Variants in PIK3CA observed in about 807,000 individuals in gnomAD.
PIK3CA encodes phosphatidylinositol 4,5-bisphosphate 3-kinase catalytic subunit alpha isoform.
Under a neutral mutation model 138.2 loss-of-function variants are expected in PIK3CA, and 27 were observed. The observed-to-expected ratio is 0.20, with a 90% CI of 0.14 to 0.27. The LOEUF is 0.27. PIK3CA is among the 10% of genes least tolerant of loss of function. The pLI is 1.00. For synonymous variants in PIK3CA, 358 were observed against 413.2 expected (o/e 0.87, Z 1.62); for missense variants, 544 against 1,277.4 (o/e 0.43, Z 8.75).
intron 1 of PIK3CA, among the ~76,000 whole-genome samples, chr3:179,166,835 A>G (rs1353690083): frequency 1.3e-5 from 2 of 152,170 alleles, no homozygotes; most frequent in East Asian, 1.9e-4. Flanking sequence ...ACCAGCTGCA[A>G]AATTCAGATC....
chr3:179,156,107 G>A (rs914243646), intron 1 of PIK3CA, among the ~76,000 whole-genome samples: 1 of 152,112 alleles, frequency 6.6e-6, no homozygotes, highest in Non-Finnish European at 1.5e-5. Flanking sequence ...TGTATTTTCA[G>A]AAGCTAAGAT....
intron 1 of PIK3CA, among the ~76,000 whole-genome samples, chr3:179,179,292 T>C (rs1236456957): frequency 1.3e-5 from 2 of 152,254 alleles, no homozygotes; most frequent in African/African-American, 4.8e-5. Context: ...TTTGGAATAC[T>C]ACTTAAAAAG....
chr3:179,165,838 A>G lies in PIK3CA; in HGVS notation c.-77+17235A>G, dbSNP rs754203967. On this transcript the variant is annotated intron_variant, in intron 1 of 20. Transcript: ENST00000263967. ...TCTGTGGTTCACAGCCTTTTTTGCTATGGCTTCTCCTACTCAGTAACATGT... is the reference window on the plus strand; with the variant it reads ...TCTGTGGTTCACAGCCTTTTTTGCTGTGGCTTCTCCTACTCAGTAACATGT... 6.2e-4 allele frequency among the ~76,000 whole-genome samples: 95 copies of G among 152,010 alleles called. 1 individual carries two copies. The highest frequency in any genetic ancestry group is 3.9e-4 in the Admixed American group (6 of 15,268).
intron 2 of PIK3CA, 127 bp from the exon 3 acceptor site, chr3:179,199,563 A>C: frequency 1.6e-6 from 1 of 614,268 alleles, no homozygotes; most frequent in East Asian, 2.8e-5. Context: ...AATTTGTTTT[A>C]ACCTAGCGGT....
At chr3:179,165,055 C>T (rs1723383388) in intron 1 of PIK3CA, among the ~76,000 whole-genome samples, 1 of 152,080 alleles carries the variant, frequency 6.6e-6, no homozygotes, top group African/African-American at 2.4e-5. Flanking sequence ...TTTACTGTCC[C>T]TACCTGTCCT....
At chr3:179,190,774 A>G (rs754668848) in intron 1 of PIK3CA, among the ~76,000 whole-genome samples, 17 of 152,208 alleles carry the variant, frequency 1.1e-4, no homozygotes, top group Non-Finnish European at 2.2e-4. Context: ...ATGTAAATGT[A>G]TCGTATGCAT....
At chr3:179,191,778 A>C (rs564219920) in intron 1 of PIK3CA, among the ~76,000 whole-genome samples, 6 of 152,130 alleles carry the variant, frequency 3.9e-5, no homozygotes, top group Admixed American at 1.3e-4. Flanking sequence ...CTGGGATTAC[A>C]GGCTCCCGCC....
chr3:179,224,927 A>G (rs2108418550), intron 16 of PIK3CA, 106 bp downstream of exon 16: 1 of 660,916 alleles, frequency 1.5e-6, no homozygotes, highest in East Asian at 2.7e-5. Flanking sequence ...TAAGGAATAT[A>G]CACATGTGAT....
At chr3:179,229,979 C>T (rs375882334) in intron 18 of PIK3CA, 25 bp from the exon 19 acceptor site, 28 of 1,479,522 alleles carry the variant, frequency 1.9e-5, no homozygotes, top group Non-Finnish European at 2.5e-5. Context: ...TTCCATACTA[C>T]TCATGAGGTG....
intron 1 of PIK3CA, among the ~76,000 whole-genome samples, chr3:179,152,636 A>G (rs542327790): frequency 6.6e-6 from 1 of 152,320 alleles, no homozygotes; most frequent in South Asian, 2.1e-4. Flanking sequence ...TGCTTAATAA[A>G]TGTTCATTTC....
At chr3:179,152,838 G>A (rs550074712) in intron 1 of PIK3CA, among the ~76,000 whole-genome samples, 1 of 152,244 alleles carries the variant, frequency 6.6e-6, no homozygotes, top group East Asian at 1.9e-4. Context: ...ACACCCAGGT[G>A]TTAGTCAACC....
chr3:179,225,997 C>A lies in PIK3CA; in HGVS notation c.2452C>A (p.Arg818Ser), dbSNP rs2108419500. Residue 818 changes from arginine (R) to serine (S), a missense_variant, in exon 17 of 21, where the codon CGT (arginine) becomes AGT (serine). Around this residue, in one of 14 missense-constraint regions of PIK3CA, gnomAD observed 72 missense variants for 271.8 expected, o/e 0.26. Transcript: ENST00000263967. ...AGATATGCTAACACTTCAAATTATT[C>A]GTATTATGGAAAATATCTGGCAAAA... ...RQDMLTLQII[R>S]IMENIWQNQG... 1.3e-6 allele frequency: 2 copies of A among 1,595,566 alleles called. No homozygotes were observed. Among genetic ancestry groups the A allele is most frequent in the Non-Finnish European group, 1.7e-6 (2 of 1,164,994 alleles).
In PIK3CA at chr3:179,219,801, C is replaced by T; in HGVS notation, c.1911+66C>T. 2 of 1,424,208 alleles carry T rather than the reference C, an allele frequency of 1.4e-6. No homozygotes were observed. The allele number at this position is 1,424,208 out of a possible 1,614,324, so 88.2% of individuals were successfully genotyped here. A position where few individuals can be genotyped will look rare whatever the true frequency, so the allele number is the denominator to read the frequency against. ...AATAATTTATTCTAGATCCATACAA[C>T]TTCCTTTTAAAAAACCTACTGCACT... On this transcript the variant is annotated intron_variant, in intron 12 of 20. Transcript: ENST00000263967. The surrounding 1 kb of genome is among the most constrained non-coding windows in gnomAD (Gnocchi z 4.2).
At position 179,202,361 on chromosome 3, in the gene PIK3CA, C is replaced by T. The variant is rs143639375; in HGVS notation, c.813+821C>T. On this transcript the variant is annotated intron_variant, in intron 4 of 20. Coordinates refer to ENST00000263967, the MANE Select transcript of PIK3CA (RefSeq NM_006218.4). The stretch of plus-strand genomic sequence containing the variant: ...CTGGGATTACAGGCGTGAGCCATTG[C>T]GCCCAGCCTATTTCGTGATTTTTAT... 2.4e-3 allele frequency among the ~76,000 whole-genome samples: 370 copies of T among 152,304 alleles called. 3 individuals carry two copies. The highest frequency in any genetic ancestry group is 8.3e-3 in the African/African-American group (343 of 41,568).
chr3:179,200,139 G>A (rs976913606), intron 3 of PIK3CA, among the ~76,000 whole-genome samples: 1 of 151,754 alleles, frequency 6.6e-6, no homozygotes. Context: ...TCTATAAAAC[G>A]GAAGAAGTAT....
intron 10 of PIK3CA, among the ~76,000 whole-genome samples, chr3:179,218,578 T>C (rs1431050950): frequency 2.0e-5 from 3 of 152,070 alleles, no homozygotes; most frequent in Non-Finnish European, 4.4e-5. Context: ...ATTCCTGATA[T>C]GACTTTCTTT....
At chr3:179,166,606 T>C (rs1723426864) in intron 1 of PIK3CA, among the ~76,000 whole-genome samples, 1 of 152,226 alleles carries the variant, frequency 6.6e-6, no homozygotes, top group Non-Finnish European at 1.5e-5. Flanking sequence ...GAAAGCATGT[T>C]ATAGTGCCTT....
chr3:179,184,008 T>A (rs1201946957), intron 1 of PIK3CA, among the ~76,000 whole-genome samples: 1 of 152,228 alleles, frequency 6.6e-6, no homozygotes, highest in Non-Finnish European at 1.5e-5. Context: ...GGTAGAAGAT[T>A]ATTGGCTAGT....
At chr3:179,180,581 G>A (rs1489624454) in intron 1 of PIK3CA, among the ~76,000 whole-genome samples, 1 of 152,056 alleles carries the variant, frequency 6.6e-6, no homozygotes, top group Non-Finnish European at 1.5e-5. Flanking sequence ...GAATTTGAGG[G>A]TAATTTAAGG....
Sources: allele counts gnomAD v4.1 joint callset (sites outside exome capture counted in the v4.1 genomes callset), GRCh38; gene constraint gnomAD v4.1.1; regional missense constraint gnomAD v4.1.1; non-coding constraint Gnocchi (gnomAD v3.1); transcripts MANE v1.5; gene names NCBI Gene and HGNC (gene_info 2026-07-23, HGNC 2026-07-21).